ANGPTL5: variants seen among roughly 807,000 people sequenced by gnomAD.
ANGPTL5 encodes the protein angiopoietin like 5.
In ANGPTL5, 34 loss-of-function variants were observed where a neutral mutation model predicts 39.4. The observed-to-expected ratio is 0.86, with a 90% CI of 0.66 to 1.15. ANGPTL5 has a LOEUF of 1.15. ANGPTL5 is among the 50% of genes most tolerant of loss of function. The pLI is 0.00. For missense variants in ANGPTL5, 467 were observed against 457.5 expected (o/e 1.02, Z -0.19); for synonymous variants, 146 against 152.1 (o/e 0.96, Z 0.29).
At position 101,900,504 on chromosome 11, in the gene ANGPTL5, T is replaced by C; in HGVS notation, c.587A>G (p.Gln196Arg). 1 of 1,613,010 alleles carries C rather than the reference T, an allele frequency of 6.2e-7. No homozygotes were observed. Among genetic ancestry groups the C allele is most frequent in the African/African-American group, 1.3e-5 (1 of 75,016 alleles). Reference protein sequence around the residue: ...DYRGGGRTVIQKRIDGIIDFQ... With the variant: ...DYRGGGRTVIRKRIDGIIDFQ... ...ATCAATTATCCCATCAATTCTTTTCTGTATCACAGTCCGTCCACCTCCTCT... is the reference window on the plus strand; with the variant it reads ...ATCAATTATCCCATCAATTCTTTTCCGTATCACAGTCCGTCCACCTCCTCT... The change falls in exon 7 of 9, where the codon CAG becomes CGG. Residue 196 changes from glutamine to arginine, a missense_variant. Coordinates refer to ENST00000334289, the MANE Select transcript of ANGPTL5 (RefSeq NM_178127.5).
intron 8 of ANGPTL5, among the ~76,000 whole-genome samples, chr11:101,893,456 C>A (rs566115619): frequency 6.6e-6 from 1 of 152,258 alleles, no homozygotes; most frequent in Non-Finnish European, 1.5e-5. Flanking sequence ...CTGCTGACAC[C>A]TTTTTCTTTT....
At position 101,894,882 on chromosome 11, in the gene ANGPTL5, C is replaced by T. The variant is rs374423446; in HGVS notation, c.844G>A (p.Ala282Thr). 1.2e-6 allele frequency: 2 copies of T among 1,611,596 alleles called. No individual in the cohort carries two copies. Among genetic ancestry groups the T allele is most frequent in the African/African-American group, 1.3e-5 (1 of 74,866 alleles). ...KMHLGRYSGN[A>T]GDAFRGLKKE... is the part of the protein sequence containing the mutation. Reference sequence around the variant, plus strand: ...TTAGGAATAAAAAAAATCTTACCAGCATTTCCTGAATACCGTCCTAAGTGC... The same window carrying T: ...TTAGGAATAAAAAAAATCTTACCAGTATTTCCTGAATACCGTCCTAAGTGC... The change falls in exon 8 of 9, where the codon GCT (alanine) becomes ACT (threonine). Residue 282 changes from alanine (A) to threonine (T), a missense_variant. By Grantham distance (58) the Ala-to-Thr change is moderately conservative (BLOSUM62 0). Coordinates refer to ENST00000334289, the MANE Select transcript of ANGPTL5 (RefSeq NM_178127.5).
intron 5 of ANGPTL5, among the ~76,000 whole-genome samples, chr11:101,903,071 G>A (rs1026275788): frequency 1.3e-5 from 2 of 152,118 alleles, no homozygotes; most frequent in African/African-American, 4.8e-5. Context: ...CTTAGAGAAT[G>A]TAATGTGTAA....
At chr11:101,901,819 A>C (rs1221282541) in intron 6 of ANGPTL5, among the ~76,000 whole-genome samples, 1 of 152,126 alleles carries the variant, frequency 6.6e-6, no homozygotes, top group Non-Finnish European at 1.5e-5. Context: ...AGAAACCGGT[A>C]GTATTTACTT....
intron 1 of ANGPTL5, among the ~76,000 whole-genome samples, chr11:101,914,405 T>G (rs531786711): frequency 3.9e-5 from 6 of 152,332 alleles, no homozygotes; most frequent in African/African-American, 1.2e-4. Context: ...TTGGCATATC[T>G]TCCCAAGAGA....
At chr11:101,908,747 C>T (rs1477438337) in intron 1 of ANGPTL5, among the ~76,000 whole-genome samples, 1 of 147,114 alleles carries the variant, frequency 6.8e-6, no homozygotes, top group Non-Finnish European at 1.5e-5. Context: ...CGCCACTGCA[C>T]TCCAGCCTGG....
intron 7 of ANGPTL5, among the ~76,000 whole-genome samples, chr11:101,897,274 G>A (rs1939815926): frequency 6.6e-6 from 1 of 152,156 alleles, no homozygotes; most frequent in African/African-American, 2.4e-5. Context: ...CAGAAGGATA[G>A]ATTGCGAAAA....
chr11:101,898,066 T>C (rs1482558338), intron 7 of ANGPTL5, among the ~76,000 whole-genome samples: 3 of 152,010 alleles, frequency 2.0e-5, no homozygotes, highest in Non-Finnish European at 1.5e-5. Flanking sequence ...TCTATTAAAT[T>C]ACAAAAATTA....
intron 8 of ANGPTL5, among the ~76,000 whole-genome samples, chr11:101,892,760 T>C (rs544237357): frequency 3.3e-5 from 5 of 152,310 alleles, no homozygotes; most frequent in East Asian, 3.9e-4. Context: ...CCATATGCAA[T>C]CTGTGGAGAA....
At position 101,904,887 on chromosome 11, in the gene ANGPTL5, T is replaced by C. The variant is rs767072207; in HGVS notation, c.366A>G (p.Arg122=). The part of the protein sequence containing the change: ...LSNQVNELMN[R]VLLLTTEVFR... The stretch of plus-strand genomic sequence containing the variant: ...AAACTTCTGTAGTCAAAAGGAGAAC[T>C]CTATTCATGAGCTCGTTAACCTAAA... Residue 122 remains arginine (R), a synonymous_variant, in exon 5 of 9, where the codon AGA becomes AGG. Transcript: ENST00000334289. 6.8e-6 allele frequency: 11 copies of C among 1,613,370 alleles called. No homozygotes were observed. The highest frequency in any genetic ancestry group is 9.3e-6 in the Non-Finnish European group (11 of 1,179,424).
At chr11:101,901,027 T>TC (rs1343737841) in intron 6 of ANGPTL5, among the ~76,000 whole-genome samples, 3 of 148,942 alleles carry the variant, frequency 2.0e-5, no homozygotes, top group Non-Finnish European at 4.5e-5. Context: ...TTTTTTTTTT[T>TC]TTTTTTTTTC....
intron 8 of ANGPTL5, among the ~76,000 whole-genome samples, chr11:101,894,406 A>T (rs1387022656): frequency 6.6e-6 from 1 of 152,234 alleles, no homozygotes; most frequent in Non-Finnish European, 1.5e-5. Context: ...TCAAAGTATA[A>T]TGAAAAAACA....
intron 1 of ANGPTL5, among the ~76,000 whole-genome samples, chr11:101,912,054 T>G (rs909252845): frequency 6.6e-6 from 1 of 152,246 alleles, no homozygotes; most frequent in Non-Finnish European, 1.5e-5. Flanking sequence ...CCACTTTCCA[T>G]GTAGCACTTT....
intron 6 of ANGPTL5, among the ~76,000 whole-genome samples, chr11:101,902,058 A>C (rs1375111333): frequency 6.6e-6 from 1 of 152,066 alleles, no homozygotes; most frequent in South Asian, 2.1e-4. Flanking sequence ...AAGAATAGAC[A>C]TAAGAGTAAT....
In ANGPTL5 at chr11:101,915,202, G is replaced by A. The variant is rs1182477927; in HGVS notation, c.-93+817C>T. On this transcript the variant is annotated intron_variant, in intron 1 of 8. Coordinates refer to ENST00000334289, the MANE Select transcript of ANGPTL5 (RefSeq NM_178127.5). ...GGCCTGAGAGACGGAGTGTAGGGAGGGGCCGAGCAGGAGGAGGAGGAAGCC... is the reference window on the plus strand; with the variant it reads ...GGCCTGAGAGACGGAGTGTAGGGAGAGGCCGAGCAGGAGGAGGAGGAAGCC... 2.0e-5 allele frequency: 31 copies of A among 1,580,124 alleles called. No homozygotes were observed. In the Admixed American group the frequency reaches 4.9e-4, roughly 25 times the overall value.
intron 1 of ANGPTL5, among the ~76,000 whole-genome samples, chr11:101,908,352 A>T (rs973458503): frequency 1.3e-5 from 2 of 152,232 alleles, no homozygotes; most frequent in African/African-American, 4.8e-5. Flanking sequence ...TTGCAAAAAA[A>T]TAGGAAGTAG....
chr11:101,907,611 A>G (rs1269812242), intron 2 of ANGPTL5, among the ~76,000 whole-genome samples: 1 of 152,156 alleles, frequency 6.6e-6, no homozygotes. Flanking sequence ...ATATTTTCAT[A>G]TCTGTTGAAT....
At chr11:101,901,510 G>A (rs1478861021) in intron 6 of ANGPTL5, among the ~76,000 whole-genome samples, 1 of 152,096 alleles carries the variant, frequency 6.6e-6, no homozygotes, top group Non-Finnish European at 1.5e-5. Context: ...GGCACCCATA[G>A]AAGCGATATA....
intron 6 of ANGPTL5, among the ~76,000 whole-genome samples, chr11:101,902,394 T>G (rs918690798): frequency 1.5e-4 from 23 of 152,236 alleles, no homozygotes; most frequent in Middle Eastern, 3.4e-3. Context: ...CCATGGAAAC[T>G]CAAATAGAAA....
Sources: gnomAD v4.1 joint callset for allele counts (sites outside exome capture counted in the v4.1 genomes callset) on GRCh38, gnomAD v4.1.1 for gene constraint, MANE v1.5 for transcripts, NCBI Gene and HGNC (gene_info 2026-07-23, HGNC 2026-07-21) for gene names.